SETD7: variants seen among roughly 807,000 people sequenced by gnomAD.
SETD7 encodes the protein SET domain containing 7, histone lysine methyltransferase.
A neutral mutation model predicts 41.8 loss-of-function variants in SETD7; 16 were observed. The observed-to-expected ratio is 0.38, with a 90% CI of 0.26 to 0.58. The LOEUF (loss-of-function observed/expected upper bound fraction) is 0.58. Among genes scored for constraint, SETD7 ranks in the 20% least tolerant of loss-of-function variants. The pLI is 0.64. For missense variants in SETD7, 346 were observed against 459.7 expected (o/e 0.75, Z 2.26); for synonymous variants, 163 against 169.7 (o/e 0.96, Z 0.31).
At position 139,517,362 on chromosome 4, in the gene SETD7, C is replaced by A. The variant is rs1169352994; in HGVS notation, c.920+523G>T. Among the ~76,000 whole-genome samples, 3 of 151,772 alleles carry A rather than the reference C, an allele frequency of 2.0e-5. No homozygotes were observed. The South Asian group carries it at 6.2e-4, about 31-fold the overall frequency. On this transcript the variant is annotated intron_variant, in intron 7 of 7. Transcript: ENST00000274031. ...CGGTGGCGCATGCCTGTAATCCCAG[C>A]TACTTGAGAGGCTGAGGCAGGAGAA... is the stretch of plus-strand genomic sequence containing the variant.
chr4:139,513,895 G>C (rs1324819074), intron 7 of SETD7, among the ~76,000 whole-genome samples: 1 of 152,238 alleles, frequency 6.6e-6, no homozygotes, highest in Non-Finnish European at 1.5e-5. Context: ...ACACAAAAGT[G>C]AACAGTTATC....
chr4:139,555,286 G>A lies in SETD7; in HGVS notation c.40+812C>T, dbSNP rs1560696119. ...AGGGGCGGAGAAACACGACACTGAGGCGGTGATATCACCCACAGCCAACGG... is the reference window on the plus strand; with the variant it reads ...AGGGGCGGAGAAACACGACACTGAGACGGTGATATCACCCACAGCCAACGG... On this transcript the variant is annotated intron_variant, in intron 1 of 7. Transcript: ENST00000274031. This position sits in a 1 kb window ranked among gnomAD's most constrained non-coding sequence, Gnocchi z 4.0. 6.6e-6 allele frequency among the ~76,000 whole-genome samples: 1 copy of A among 151,842 alleles called. No homozygotes were observed. The highest frequency in any genetic ancestry group is 1.5e-5 in the Non-Finnish European group (1 of 67,982).
chr4:139,533,071 G>A, intron 3 of SETD7, 94 bp downstream of exon 3: 1 of 1,156,498 alleles, frequency 8.6e-7, no homozygotes, highest in Admixed American at 1.8e-5. Context: ...AGGTTTCACA[G>A]CTCCCAAGTT....
chr4:139,535,097 T>C (rs1727601739), intron 2 of SETD7, among the ~76,000 whole-genome samples: 1 of 152,108 alleles, frequency 6.6e-6, no homozygotes, highest in South Asian at 2.1e-4. Flanking sequence ...AGGTTGGAAG[T>C]AATGAGATTC....
In SETD7 at chr4:139,556,020, G is replaced by T. The variant is rs1313408606; in HGVS notation, c.40+78C>A. The T allele has an allele frequency of 2.8e-6, 4 of 1,426,858 alleles. No individual in the cohort carries two copies. In the East Asian group the frequency reaches 8.7e-5, roughly 31 times the overall value. 88.4% of individuals were successfully genotyped at this position (1,426,858 alleles called of 1,614,324 possible). On this transcript the variant is annotated intron_variant, in intron 1 of 7. Coordinates refer to ENST00000274031, the MANE Select transcript of SETD7 (RefSeq NM_030648.4). ...TGGCGGCCGCGGGGCCCGGCGCCGC[G>T]CTGTTCGCAGCCCGCCACTCCTTCC... is the stretch of plus-strand genomic sequence containing the variant.
At chr4:139,532,095 A>C (rs1165076218) in intron 3 of SETD7, among the ~76,000 whole-genome samples, 4 of 152,202 alleles carry the variant, frequency 2.6e-5, no homozygotes, top group African/African-American at 9.6e-5. Context: ...CTCTGTCTCA[A>C]AACAAAAAAA....
At chr4:139,545,409 G>A (rs943841203) in intron 2 of SETD7, among the ~76,000 whole-genome samples, 1 of 152,100 alleles carries the variant, frequency 6.6e-6, no homozygotes, top group South Asian at 2.1e-4. Flanking sequence ...TTACAGATGT[G>A]AGCCAACATG....
At chr4:139,553,901 T>C (rs1363007930) in intron 1 of SETD7, among the ~76,000 whole-genome samples, 1 of 152,218 alleles carries the variant, frequency 6.6e-6, no homozygotes, top group Non-Finnish European at 1.5e-5. Flanking sequence ...TTAGATGTTA[T>C]GTAAAGACTA....
At chr4:139,518,161 T>C in intron 6 of SETD7, 119 bp from the exon 7 acceptor site, 1 of 1,099,564 alleles carries the variant, frequency 9.1e-7, no homozygotes, top group Non-Finnish European at 1.3e-6. Context: ...AGGGTCTCAC[T>C]CTGTCACCTA....
intron 2 of SETD7, among the ~76,000 whole-genome samples, chr4:139,534,805 A>G (rs1339354093): frequency 1.3e-5 from 2 of 152,224 alleles, no homozygotes; most frequent in African/African-American, 4.8e-5. Context: ...GCGGGCCATC[A>G]GGACTTAGGT....
At chr4:139,544,766 C>T (rs1461791992) in intron 2 of SETD7, among the ~76,000 whole-genome samples, 3 of 151,062 alleles carry the variant, frequency 2.0e-5, no homozygotes. Context: ...CAATCAGTTA[C>T]TGGCTATCAT....
chr4:139,511,070 G>A lies in SETD7; in HGVS notation c.*593C>T, dbSNP rs1726856112. The stretch of plus-strand genomic sequence containing the variant: ...AAAATCCATTTGGAAGTTTTCTCTT[G>A]TAAAGGGTATCTAAGAAAGAGAATA... On this transcript the variant is annotated 3_prime_UTR_variant, in exon 8 of 8. Transcript: ENST00000274031. 6.6e-6 allele frequency: 1 copy of A among 152,610 alleles called. No individual in the cohort carries two copies. The highest frequency in any genetic ancestry group is 6.5e-5 in the Admixed American group (1 of 15,296). 9.5% of individuals were successfully genotyped at this position (152,610 alleles called of 1,614,324 possible).
chr4:139,529,082 T>C lies in SETD7; in HGVS notation c.511A>G (p.Thr171Ala). The change falls in exon 4 of 8, where the codon ACC becomes GCC. Residue 171 changes from threonine (T) to alanine (A), a missense_variant. By Grantham distance (58) the Thr-to-Ala change is moderately conservative (BLOSUM62 0). This residue lies in a region of SETD7 where 266 missense variants were observed against 377.0 expected (regional missense o/e 0.71). Transcript: ENST00000274031. Reference sequence around the variant, plus strand: ...CTCCCTTCTTCAGTGGACATAAGGGTAGCCAGTTTGCCTTCTATCATCTCT... The same window carrying C: ...CTCCCTTCTTCAGTGGACATAAGGGCAGCCAGTTTGCCTTCTATCATCTCT... ...DGEMIEGKLA[T>A]LMSTEEGRPH... 1 of 1,614,066 alleles carries C rather than the reference T, an allele frequency of 6.2e-7. No homozygotes were observed. Among genetic ancestry groups the C allele is most frequent in the Non-Finnish European group, 8.5e-7 (1 of 1,179,986 alleles).
intron 2 of SETD7, among the ~76,000 whole-genome samples, chr4:139,536,234 G>C (rs1334993597): frequency 6.6e-6 from 1 of 152,108 alleles, no homozygotes; most frequent in Non-Finnish European, 1.5e-5. Context: ...ATTTAGCTTA[G>C]CTTCCACACT....
chr4:139,518,894 T>C (rs377043583), intron 6 of SETD7, among the ~76,000 whole-genome samples: 8 of 152,236 alleles, frequency 5.3e-5, no homozygotes, highest in African/African-American at 1.9e-4. Context: ...GAGCTGGTGA[T>C]GACAGCAGCC....
chr4:139,553,305 A>G (rs990143155), intron 1 of SETD7, among the ~76,000 whole-genome samples: 5 of 152,240 alleles, frequency 3.3e-5, no homozygotes, highest in Non-Finnish European at 5.9e-5. Context: ...AATGAAGAAG[A>G]AAAAAGATAG....
chr4:139,535,677 C>T (rs190634277), intron 2 of SETD7, among the ~76,000 whole-genome samples: 4 of 152,180 alleles, frequency 2.6e-5, no homozygotes, highest in Admixed American at 2.0e-4. Context: ...TGCTATTTCC[C>T]TCTTAGCCCA....
At chr4:139,538,203 A>G (rs4863505) in intron 2 of SETD7, among the ~76,000 whole-genome samples, 117,800 of 152,114 alleles carry the variant, frequency 0.77, 45,805 homozygotes, top group Middle Eastern at 0.85. Flanking sequence ...GAAAATAAAT[A>G]CCTCTAAAAA....
chr4:139,515,253 C>T (rs548629309), intron 7 of SETD7, among the ~76,000 whole-genome samples: 1 of 151,034 alleles, frequency 6.6e-6, no homozygotes, highest in South Asian at 2.1e-4. Flanking sequence ...ATCTGAATTT[C>T]ATATTTGGTT....
Sources: allele counts gnomAD v4.1 joint callset (sites outside exome capture counted in the v4.1 genomes callset), GRCh38; gene constraint gnomAD v4.1.1; regional missense constraint gnomAD v4.1.1; non-coding constraint Gnocchi (gnomAD v3.1); transcripts MANE v1.5; gene names NCBI Gene and HGNC (gene_info 2026-07-23, HGNC 2026-07-21).